The following PFKP variants were observed in gnomAD, a reference collection of about 807,000 sequenced individuals.
PFKP encodes phosphofructokinase, platelet.
PFKP carries 101 observed loss-of-function variants against 94.3 expected under a neutral mutation model. The ratio of observed to expected loss-of-function variants is 1.07; its 90% CI spans 0.91 to 1.26. PFKP has a LOEUF of 1.26. Among genes scored for constraint, PFKP ranks in the 50% most tolerant of loss-of-function variants. The pLI is 0.00. For missense variants in PFKP, 1,145 were observed against 1,103.3 expected (o/e 1.04, Z -0.53); for synonymous variants, 573 against 432.6 (o/e 1.32, Z -4.03).
In PFKP at chr10:3,126,864, G is replaced by T. The variant is rs80181195; in HGVS notation, c.1684-2955G>T. ...CAGGATCGCCTCTGCGTCCTTGCAGGGGGTGGCGTCTGCTGGGGGCACATC... is the reference window on the plus strand; with the variant it reads ...CAGGATCGCCTCTGCGTCCTTGCAGTGGGTGGCGTCTGCTGGGGGCACATC... On this transcript the variant is annotated intron_variant, in intron 16 of 21. Transcript: ENST00000381125. Among the ~76,000 whole-genome samples, 7 of 152,372 alleles carry T rather than the reference G, an allele frequency of 4.6e-5. No individual in the cohort carries two copies. The South Asian group carries it at 1.2e-3, about 27-fold the overall frequency.
At chr10:3,092,892 T>G (rs1222308956) in intron 2 of PFKP, among the ~76,000 whole-genome samples, 2 of 151,994 alleles carry the variant, frequency 1.3e-5, no homozygotes, top group Non-Finnish European at 2.9e-5. Context: ...GGACCTCTCC[T>G]AATCTGGAGG....
At chr10:3,126,083 G>A (rs1243075903) in intron 16 of PFKP, among the ~76,000 whole-genome samples, 3 of 152,326 alleles carry the variant, frequency 2.0e-5, no homozygotes, top group East Asian at 3.9e-4. Flanking sequence ...TCCGGAGTTT[G>A]CAGTGAAAAC....
intron 10 of PFKP, among the ~76,000 whole-genome samples, chr10:3,111,844 A>G (rs1444694158): frequency 6.6e-6 from 1 of 151,798 alleles, no homozygotes; most frequent in Non-Finnish European, 1.5e-5. Flanking sequence ...GTTTTTCCCC[A>G]CCATAATCAA....
At chr10:3,112,834 C>A (rs1017028940) in intron 11 of PFKP, among the ~76,000 whole-genome samples, 3 of 152,242 alleles carry the variant, frequency 2.0e-5, no homozygotes, top group Non-Finnish European at 4.4e-5. Flanking sequence ...TCCCAAAGTG[C>A]TGGGATTACA....
At chr10:3,127,265 C>T (rs537456203) in intron 16 of PFKP, among the ~76,000 whole-genome samples, 172 of 152,362 alleles carry the variant, frequency 1.1e-3, no homozygotes, top group African/African-American at 3.6e-3. Context: ...AGCACACAGT[C>T]GGGGGCGTGG....
intron 4 of PFKP, among the ~76,000 whole-genome samples, chr10:3,102,250 C>CA (rs757381364): frequency 0.071 from 3,904 of 54,688 alleles, 364 homozygotes; most frequent in East Asian, 0.25. Flanking sequence ...GACTCTGTCT[C>CA]AAAAAAAAAA....
In PFKP at chr10:3,080,406, G is replaced by A. The variant is rs375074028; in HGVS notation, c.113-1982G>A. Reference sequence around the variant, plus strand: ...GTGGCGGGCGCCTGTAGTCCCAGCTGCTCAGGAGGCTGAGGCAGGAGAATG... The same window carrying A: ...GTGGCGGGCGCCTGTAGTCCCAGCTACTCAGGAGGCTGAGGCAGGAGAATG... On this transcript the variant is annotated intron_variant, in intron 1 of 21. Coordinates refer to ENST00000381125, the MANE Select transcript of PFKP (RefSeq NM_002627.5). Among the ~76,000 whole-genome samples, 160 of 151,410 alleles carry A rather than the reference G, an allele frequency of 1.1e-3. 1 individual carries two copies. Among genetic ancestry groups the A allele is most frequent in the Non-Finnish European group, 1.8e-3 (122 of 67,910 alleles).
intron 19 of PFKP, 26 bp downstream of exon 19, chr10:3,133,340 C>A: frequency 7.3e-7 from 1 of 1,377,194 alleles, no homozygotes; most frequent in Non-Finnish European, 1.0e-6. Flanking sequence ...CATGAGGGGC[C>A]ACAAAGCCCC....
At chr10:3,097,253 T>C (rs997839303) in intron 2 of PFKP, among the ~76,000 whole-genome samples, 15 of 151,748 alleles carry the variant, frequency 9.9e-5, no homozygotes, top group African/African-American at 3.4e-4. Context: ...GCTTTGCACA[T>C]GACCGTCTGT....
At position 3,108,810 on chromosome 10, in the gene PFKP, T is replaced by C. The variant is rs372792160; in HGVS notation, c.963+17T>C. ...AGGATCTTGGTGAGTTGGGAAGGGTTGGGCATCTTCACAAGGTCTCTAGGA... is the reference window on the plus strand; with the variant it reads ...AGGATCTTGGTGAGTTGGGAAGGGTCGGGCATCTTCACAAGGTCTCTAGGA... On this transcript the variant is annotated intron_variant, in intron 9 of 21. Transcript: ENST00000381125. The C allele has an allele frequency of 7.7e-6, 12 of 1,555,112 alleles. No homozygotes were observed. Among genetic ancestry groups the C allele is most frequent in the Non-Finnish European group, 9.8e-6 (11 of 1,126,420 alleles).
At chr10:3,132,628 AAT>A (rs1175455942) in intron 18 of PFKP, among the ~76,000 whole-genome samples, 187 bp downstream of exon 18, 4 of 86,768 alleles carry the variant, frequency 4.6e-5, no homozygotes, top group Non-Finnish European at 9.5e-5. Context: ...TTAGACAACT[AAT>A]ATTTTTGCTT....
At chr10:3,074,571 A>G (rs1832440410) in intron 1 of PFKP, among the ~76,000 whole-genome samples, 1 of 152,196 alleles carries the variant, frequency 6.6e-6, no homozygotes, top group Non-Finnish European at 1.5e-5. Context: ...GGCACGTGGC[A>G]GGGCAGCCCT....
At chr10:3,109,713 G>A (rs1333231419) in intron 10 of PFKP, among the ~76,000 whole-genome samples, 1 of 152,198 alleles carries the variant, frequency 6.6e-6, no homozygotes, top group Non-Finnish European at 1.5e-5. Flanking sequence ...CCATCTGTGT[G>A]GCACATAGTC....
intron 2 of PFKP, among the ~76,000 whole-genome samples, chr10:3,087,049 T>G (rs1833658902): frequency 1.3e-5 from 2 of 152,102 alleles, no homozygotes; most frequent in Middle Eastern, 3.4e-3. Flanking sequence ...CTCAGCTCAC[T>G]GCAACCTCCA....
chr10:3,126,204 C>T (rs376591929), intron 16 of PFKP, among the ~76,000 whole-genome samples: 4 of 152,218 alleles, frequency 2.6e-5, no homozygotes, highest in East Asian at 1.9e-4. Flanking sequence ...GGGAAGGGAG[C>T]AGAGGAGCCA....
At position 3,075,793 on chromosome 10, in the gene PFKP, C is replaced by G. The variant is rs114045727; in HGVS notation, c.113-6595C>G. 7.4e-3 allele frequency among the ~76,000 whole-genome samples: 1,106 copies of G among 150,472 alleles called. 12 individuals are homozygous for G. The highest frequency in any genetic ancestry group is 0.026 in the African/African-American group (1,074 of 40,882). ...GGCGGTGCACACCTACAGTCCCAGCCCCGTGGGAGATTGAGGTGGGAGGAT... is the reference window on the plus strand; with the variant it reads ...GGCGGTGCACACCTACAGTCCCAGCGCCGTGGGAGATTGAGGTGGGAGGAT... On this transcript the variant is annotated intron_variant, in intron 1 of 21. Transcript: ENST00000381125.
chr10:3,067,850 A>C, intron 1 of PFKP, 143 bp downstream of exon 1: 46 of 403,022 alleles, frequency 1.1e-4, no homozygotes, highest in Middle Eastern at 7.1e-4. Flanking sequence ...GATGGGGAGA[A>C]CCGGGGAGAA....
intron 10 of PFKP, among the ~76,000 whole-genome samples, chr10:3,110,105 G>A (rs905130901): frequency 6.6e-5 from 10 of 152,174 alleles, no homozygotes; most frequent in Admixed American, 3.9e-4. Context: ...CTGTCTGCCT[G>A]CAAATGAACA....
At chr10:3,100,966 A>T in intron 3 of PFKP, 1 of 1,611,168 alleles carries the variant, frequency 6.2e-7, no homozygotes, top group Non-Finnish European at 8.5e-7. Flanking sequence ...TGCTGGTCAC[A>T]CCGCTTCCCT....
Sources: gnomAD v4.1 joint callset for allele counts (sites outside exome capture counted in the v4.1 genomes callset) on GRCh38, gnomAD v4.1.1 for gene constraint, MANE v1.5 for transcripts, NCBI Gene and HGNC (gene_info 2026-07-23, HGNC 2026-07-21) for gene names.